The following CTNND2 variants were observed in gnomAD, a reference collection of about 807,000 sequenced individuals.
CTNND2 encodes catenin delta-2.
Under a neutral mutation model 144.4 loss-of-function variants are expected in CTNND2, and 22 were observed. That is an observed-to-expected ratio of 0.15 (90% CI 0.11 to 0.22). The LOEUF is 0.22. Among genes scored for constraint, CTNND2 ranks in the 10% least tolerant of loss-of-function variants. The pLI is 1.00. For missense variants in CTNND2, 1,353 were observed against 1,618.8 expected (o/e 0.84, Z 2.82); for synonymous variants, 751 against 695.6 (o/e 1.08, Z -1.25).
chr5:11,048,183 A>G (rs1221011937), intron 16 of CTNND2, among the ~76,000 whole-genome samples: 1 of 152,086 alleles, frequency 6.6e-6, no homozygotes, highest in Non-Finnish European at 1.5e-5. Context: ...ATGTTCTACA[A>G]ACACTGCCCT....
intron 2 of CTNND2, among the ~76,000 whole-genome samples, chr5:11,642,310 A>G (rs1379486492): frequency 6.6e-6 from 1 of 152,154 alleles, no homozygotes; most frequent in Non-Finnish European, 1.5e-5. Context: ...ATAATATTAT[A>G]ATAAATCATC....
intron 3 of CTNND2, among the ~76,000 whole-genome samples, chr5:11,436,281 G>C (rs1189781197): frequency 1.3e-5 from 2 of 152,088 alleles, no homozygotes; most frequent in African/African-American, 4.8e-5. Flanking sequence ...CCTGAAGAGA[G>C]AGAAAAATCT....
rs765168514 is a variant in CTNND2 at position 11,110,737 on chromosome 5, A to G, written c.2463+121T>C. On this transcript the variant is annotated intron_variant, in intron 14 of 21. Coordinates refer to ENST00000304623, the MANE Select transcript of CTNND2 (RefSeq NM_001332.4). ...AAATTCCCACAGGAAAATTGTGCAG[A>G]TGCATTAGTGATTTTACCTCCTGAT... The G allele has an allele frequency of 6.7e-6, 6 of 898,830 alleles. No homozygotes were observed. The East Asian group carries it at 1.5e-4, about 23-fold the overall frequency. 55.7% of individuals were successfully genotyped at this position (898,830 alleles called of 1,614,324 possible). A position where few individuals can be genotyped will look rare whatever the true frequency, so the allele number is the denominator to read the frequency against.
intron 13 of CTNND2, among the ~76,000 whole-genome samples, chr5:11,115,977 C>G (rs567381854): frequency 1.3e-5 from 2 of 152,194 alleles, no homozygotes; most frequent in Non-Finnish European, 2.9e-5. Flanking sequence ...AACTTTGTAA[C>G]TAAATTACAT....
At chr5:11,190,893 C>T (rs769630937) in intron 11 of CTNND2, among the ~76,000 whole-genome samples, 9 of 152,088 alleles carry the variant, frequency 5.9e-5, no homozygotes, top group East Asian at 1.9e-4. Flanking sequence ...TCACGAACAA[C>T]GGAAAAGTAG....
intron 1 of CTNND2, among the ~76,000 whole-genome samples, chr5:11,848,629 T>A (rs1468364242): frequency 6.6e-6 from 1 of 152,094 alleles, no homozygotes; most frequent in African/African-American, 2.4e-5. Flanking sequence ...CCTTCATGAA[T>A]GTCCTAAGCC....
chr5:11,847,131 TATATA>T (rs1794777521), intron 1 of CTNND2, among the ~76,000 whole-genome samples: 4 of 9,100 alleles, frequency 4.4e-4, no homozygotes, highest in Admixed American at 1.8e-3. Flanking sequence ...AAAGATTTTA[TATATA>T]TATATATATA....
At chr5:11,657,336 C>T (rs116543351) in intron 2 of CTNND2, among the ~76,000 whole-genome samples, 23 of 152,040 alleles carry the variant, frequency 1.5e-4, no homozygotes, top group Non-Finnish European at 3.2e-4. Context: ...ACCAGCTTTT[C>T]CAAAAGGTAT....
intron 16 of CTNND2, among the ~76,000 whole-genome samples, chr5:11,027,721 C>A (rs1743006125): frequency 6.6e-6 from 1 of 152,126 alleles, no homozygotes; most frequent in South Asian, 2.1e-4. Context: ...TTTCTCTTTA[C>A]AGTGCTTCAT....
At chr5:11,561,680 T>C in intron 3 of CTNND2, among the ~76,000 whole-genome samples, 1 of 152,232 alleles carries the variant, frequency 6.6e-6, no homozygotes, top group East Asian at 1.9e-4. Context: ...TGTTAGGAAG[T>C]TGACTTGTAT....
At chr5:11,415,193 T>C (rs547413040) in intron 3 of CTNND2, among the ~76,000 whole-genome samples, 1 of 152,338 alleles carries the variant, frequency 6.6e-6, no homozygotes, top group African/African-American at 2.4e-5. Flanking sequence ...CACAAATTTA[T>C]ATTCCCACCA....
intron 2 of CTNND2, among the ~76,000 whole-genome samples, chr5:11,648,860 C>T (rs572859570): frequency 3.9e-5 from 6 of 152,232 alleles, no homozygotes; most frequent in Middle Eastern, 3.4e-3. Context: ...GATCTTTATG[C>T]GTTACTGTGT....
chr5:11,486,526 AAGGAAGAAAGAAGGT>A (rs1344813475), intron 3 of CTNND2, among the ~76,000 whole-genome samples: 5 of 152,268 alleles, frequency 3.3e-5, no homozygotes, highest in South Asian at 2.1e-4. Context: ...CTTATCCAGG[AAGGAAGAAAGAAGGT>A]AGGAAGAAAG....
Position 11,831,200 on chromosome 5 carries a change from A to G in CTNND2, c.37+72617T>C, listed in dbSNP as rs148159992. Among the ~76,000 whole-genome samples the G allele has an allele frequency of 3.6e-4, 54 of 151,368 alleles. No homozygotes were observed. The East Asian group carries it at 0.011, about 30-fold the overall frequency. On this transcript the variant is annotated intron_variant, in intron 1 of 21. Coordinates refer to ENST00000304623, the MANE Select transcript of CTNND2 (RefSeq NM_001332.4). The stretch of plus-strand genomic sequence containing the variant: ...ATGTAGAAACTAACAAGTTGATATT[A>G]TATTTTTGTGCCAAATTGAGGGACC...
At chr5:11,667,386 G>A (rs1435927607) in intron 2 of CTNND2, among the ~76,000 whole-genome samples, 1 of 152,196 alleles carries the variant, frequency 6.6e-6, no homozygotes, top group African/African-American at 2.4e-5. Flanking sequence ...CCCAACAACA[G>A]TGTAAAAGTG....
chr5:11,265,698 A>AT (rs5865929), intron 9 of CTNND2, among the ~76,000 whole-genome samples: 14,905 of 77,578 alleles, frequency 0.19, 2,572 homozygotes, highest in Middle Eastern at 0.25. Flanking sequence ...TGTATTCTCT[A>AT]TTTTTTTTTT....
intron 8 of CTNND2, among the ~76,000 whole-genome samples, chr5:11,363,294 T>C (rs1229963657): frequency 1.3e-5 from 2 of 152,212 alleles, no homozygotes; most frequent in Admixed American, 6.5e-5. Context: ...AGTTTATTAA[T>C]AAAGGATAAT....
chr5:11,777,471 A>G (rs1303141612), intron 1 of CTNND2, among the ~76,000 whole-genome samples: 1 of 152,216 alleles, frequency 6.6e-6, no homozygotes, highest in Non-Finnish European at 1.5e-5. Context: ...GCTTAACTTC[A>G]GTTAATGAGG....
intron 7 of CTNND2, among the ~76,000 whole-genome samples, chr5:11,380,806 C>T (rs543932510): frequency 4.6e-5 from 7 of 152,204 alleles, no homozygotes; most frequent in East Asian, 1.9e-4. Flanking sequence ...GTCGATGACC[C>T]GAAACCCTCA....
Sources: gnomAD v4.1 joint callset for allele counts (sites outside exome capture counted in the v4.1 genomes callset) on GRCh38, gnomAD v4.1.1 for gene constraint, MANE v1.5 for transcripts, NCBI Gene and HGNC (gene_info 2026-07-23, HGNC 2026-07-21) for gene names.